Variants in DLG5 observed in about 807,000 individuals in gnomAD.
DLG5 encodes disks large homolog 5.
A neutral mutation model predicts 189.8 loss-of-function variants in DLG5; 48 were observed. The observed-to-expected ratio is 0.25, with a 90% confidence interval of 0.20 to 0.32. The LOEUF (loss-of-function observed/expected upper bound fraction) is 0.32. Ranked by LOEUF, DLG5 falls within the 10% of genes least tolerant of loss-of-function variation. The pLI, the probability that DLG5 is intolerant of heterozygous loss-of-function variation, is 1.00. For missense variants in DLG5, 2,160 were observed against 2,544.7 expected, an observed-to-expected ratio of 0.85 and a Z score of 3.25; for synonymous variants, 1,016 against 1,054.1, an observed-to-expected ratio of 0.96 and a Z score of 0.70.
At chr10:77,825,374 C>CCACATACACACACACACA (rs1842573913) in intron 13 of DLG5, among the ~76,000 whole-genome samples, 1 of 130,816 alleles carries the variant, frequency 7.6e-6, no homozygotes, top group African/African-American at 2.9e-5. Context: ...CCACACACAA[C>CCACATACACACACACACA]CACACACACA....
rs759334198 is a variant in DLG5 at position 77,806,802 on chromosome 10, C to T, written c.4923G>A (p.Glu1641=). 1.3e-6 allele frequency: 2 copies of T among 1,593,050 alleles called. No homozygotes were observed. Among genetic ancestry groups the T allele is most frequent in the East Asian group, 4.6e-5 (2 of 43,612 alleles). The part of the protein sequence containing the change: ...FGSWMAWQLD[E]NAQKIQRGQI... ...GCCCGCGCTGGATCTTCTGGGCATT[C>T]TCGTCCAGCTGCCAAGCCATCCAGG... Residue 1641 remains glutamate (E), a synonymous_variant, in exon 26 of 32, where the codon GAG becomes GAA. Coordinates refer to ENST00000372391, the MANE Select transcript of DLG5 (RefSeq NM_004747.4).
At chr10:77,856,989 G>A in intron 2 of DLG5, 97 bp from the exon 3 acceptor site, 2 of 1,207,122 alleles carry the variant, frequency 1.7e-6, no homozygotes, top group African/African-American at 1.5e-5. Context: ...AGCTATTCGT[G>A]ACCCAACAAG....
intron 7 of DLG5, 130 bp downstream of exon 7, chr10:77,841,751 T>C: frequency 9.7e-7 from 1 of 1,025,832 alleles, no homozygotes; most frequent in Non-Finnish European, 1.4e-6. Context: ...AGCTTGCACT[T>C]AGGCCTCCAG....
intron 1 of DLG5, among the ~76,000 whole-genome samples, chr10:77,881,008 T>C: frequency 7.5e-6 from 1 of 132,866 alleles, no homozygotes; most frequent in South Asian, 2.7e-4. Flanking sequence ...AGTCTCACTC[T>C]GTCACCCAGG....
the DLG5 span, among the ~76,000 whole-genome samples, chr10:77,939,102 C>T: frequency 1.3e-5 from 2 of 152,208 alleles, no homozygotes; most frequent in Non-Finnish European, 2.9e-5. Flanking sequence ...ATCACTTGAA[C>T]CCGGGAGGCA....
In DLG5 at chr10:77,820,350, G is replaced by GGAA. The variant is rs1555548279; in HGVS notation, c.3403-333_3403-332insTTC. The GGAA allele has an allele frequency of 6.2e-4, 90 of 144,236 alleles. No individual in the cohort carries two copies. In the East Asian group the frequency reaches 6.9e-3, roughly 11 times the overall value. 8.9% of individuals were successfully genotyped at this position (144,236 alleles called of 1,614,324 possible). ...GACAGAGTGAGACTCCATCTTAGGG[G>GGAA]AAAAAAAAAAAAAAAACCAAACAGT... On this transcript the variant is annotated intron_variant, in intron 15 of 31. Transcript: ENST00000372391.
chr10:77,908,800 G>A (rs1846138769), intron 1 of DLG5, among the ~76,000 whole-genome samples: 1 of 151,984 alleles, frequency 6.6e-6, no homozygotes, highest in Non-Finnish European at 1.5e-5. Flanking sequence ...GGGGTGGGGG[G>A]AGAGAAGCCA....
chr10:77,935,707 G>C, the DLG5 span, among the ~76,000 whole-genome samples: 2 of 152,214 alleles, frequency 1.3e-5, no homozygotes. Flanking sequence ...AAGAGTGTGA[G>C]GGCACTGTGA....
In DLG5 at chr10:77,838,992, G is replaced by C. The variant is rs371859640; in HGVS notation, c.1437+2889C>G. 4.6e-5 allele frequency among the ~76,000 whole-genome samples: 7 copies of C among 152,370 alleles called. No homozygotes were observed. In the East Asian group the frequency reaches 9.6e-4, roughly 21 times the overall value. Reference sequence around the variant, plus strand: ...AAGATCCCTGCCTCAGCTGACAGGTGCACTTGATGCCCAGTCAACACCCCC... The same window carrying C: ...AAGATCCCTGCCTCAGCTGACAGGTCCACTTGATGCCCAGTCAACACCCCC... On this transcript the variant is annotated intron_variant, in intron 7 of 31. Transcript: ENST00000372391.
Position 77,926,110 on chromosome 10 carries a change from A to AGAT in DLG5, c.304+106_304+107insATC. On this transcript the variant is annotated intron_variant, in intron 1 of 31. Coordinates refer to ENST00000372391, the MANE Select transcript of DLG5 (RefSeq NM_004747.4). The surrounding 1 kb of genome is among the most constrained non-coding windows in gnomAD (Gnocchi z 5.2). ...CTGGGCCAGAGGAGCGAGTCCACCG[A>AGAT]GGCCATCGCCAGGTGGAGCGGCGGC... The AGAT allele has an allele frequency of 8.5e-7, 1 of 1,177,504 alleles. No homozygotes were observed. Among genetic ancestry groups the AGAT allele is most frequent in the East Asian group, 3.2e-5 (1 of 31,180 alleles). 72.9% of individuals were successfully genotyped at this position (1,177,504 alleles called of 1,614,324 possible).
chr10:77,894,032 A>G (rs1845687153), intron 1 of DLG5, among the ~76,000 whole-genome samples: 1 of 152,258 alleles, frequency 6.6e-6, no homozygotes, highest in African/African-American at 2.4e-5. Flanking sequence ...GGAAGGCCTC[A>G]CATAGGAAGC....
chr10:77,831,386 A>G (rs1413618125), intron 9 of DLG5, among the ~76,000 whole-genome samples: 1 of 152,036 alleles, frequency 6.6e-6, no homozygotes, highest in African/African-American at 2.4e-5. Context: ...CGACAGAGTG[A>G]AACTCCATCT....
chr10:77,843,239 G>A (rs779398280), intron 6 of DLG5, among the ~76,000 whole-genome samples: 7 of 152,300 alleles, frequency 4.6e-5, no homozygotes, highest in African/African-American at 7.2e-5. Context: ...AATGGTGTCC[G>A]TGAACCCGAA....
At chr10:77,919,584 CTTTTTTTTTTTT>C (rs71030919) in intron 1 of DLG5, among the ~76,000 whole-genome samples, 2 of 67,738 alleles carry the variant, frequency 3.0e-5, no homozygotes, top group South Asian at 7.0e-4. Context: ...CAGTTCAGGG[CTTTTTTTTTTTT>C]TTTTTTTTTT....
At chr10:77,827,790 T>C (rs1842712120) in intron 13 of DLG5, among the ~76,000 whole-genome samples, 1 of 152,192 alleles carries the variant, frequency 6.6e-6, no homozygotes, top group African/African-American at 2.4e-5. Flanking sequence ...AGGCTACACT[T>C]GGAAAGATAT....
chr10:77,918,133 G>A (rs746771103), intron 1 of DLG5, among the ~76,000 whole-genome samples: 7 of 151,838 alleles, frequency 4.6e-5, no homozygotes, highest in East Asian at 3.9e-4. Flanking sequence ...GTTCAAGGCC[G>A]GGTGCGGTGG....
chr10:77,814,464 TATATATATATATATATATATATA>T (rs1568135447), intron 20 of DLG5, among the ~76,000 whole-genome samples: 5,844 of 30,082 alleles, frequency 0.19, 486 homozygotes, highest in African/African-American at 0.44. Context: ...AGCATGTTTA[TATATATATATATATATATATATA>T]TATATATATA....
intron 27 of DLG5, among the ~76,000 whole-genome samples, chr10:77,801,814 C>A (rs1841220228): frequency 1.3e-5 from 2 of 152,142 alleles, no homozygotes; most frequent in South Asian, 4.1e-4. Flanking sequence ...AAGACTGACT[C>A]ATGTCCTAAG....
intron 1 of DLG5, among the ~76,000 whole-genome samples, chr10:77,898,766 GC>G (rs992039517): frequency 6.6e-6 from 1 of 152,218 alleles, no homozygotes; most frequent in African/African-American, 2.4e-5. Flanking sequence ...GCCTGAGAGG[GC>G]CAGGCAGGCG....
Sources: allele counts gnomAD v4.1 joint callset (sites outside exome capture counted in the v4.1 genomes callset), GRCh38; gene constraint gnomAD v4.1.1; non-coding constraint Gnocchi (gnomAD v3.1); transcripts MANE v1.5; gene names NCBI Gene and HGNC (gene_info 2026-07-23, HGNC 2026-07-21).